ANKS6: variants seen among roughly 807,000 people sequenced by gnomAD.
ANKS6 encodes ankyrin repeat and SAM domain-containing protein 6.
In ANKS6, 47 loss-of-function variants were observed where a neutral mutation model predicts 77.9. The ratio of observed to expected loss-of-function variants is 0.60; its 90% confidence interval spans 0.48 to 0.77. The LOEUF is 0.77. ANKS6 is among the 30% of genes least tolerant of loss of function. The pLI, the probability that ANKS6 is intolerant of heterozygous loss-of-function variation, is 0.00. For synonymous variants in ANKS6, 488 were observed against 501.7 expected (o/e 0.97, Z 0.37); for missense variants, 1,150 against 1,159.1 (o/e 0.99, Z 0.11).
At chr9:98,742,319 C>T (rs1310033308) in intron 14 of ANKS6, among the ~76,000 whole-genome samples, 1 of 152,222 alleles carries the variant, frequency 6.6e-6, no homozygotes, top group Non-Finnish European at 1.5e-5. Context: ...AGCCAAGGCC[C>T]AGAGCATCTG....
rs1413010907 is a variant in ANKS6 at position 98,773,751 on chromosome 9, C to T, written c.1821+126G>A. 1.8e-5 allele frequency: 13 copies of T among 730,172 alleles called. No individual in the cohort carries two copies. The East Asian group carries it at 2.5e-4, about 14-fold the overall frequency. The allele number at this position is 730,172 out of a possible 1,614,324, so 45.2% of individuals were successfully genotyped here. A position where few individuals can be genotyped will look rare whatever the true frequency, so the allele number is the denominator to read the frequency against. On this transcript the variant is annotated intron_variant, in intron 9 of 14. Transcript: ENST00000353234. ...CTTCATTAGACAAAAGGATATCATCCATTCAAAAGAAAAAAAAAGTTGCAA... is the reference window on the plus strand; with the variant it reads ...CTTCATTAGACAAAAGGATATCATCTATTCAAAAGAAAAAAAAAGTTGCAA...
At chr9:98,794,017 G>A (rs1236748372) in intron 1 of ANKS6, among the ~76,000 whole-genome samples, 6 of 150,350 alleles carry the variant, frequency 4.0e-5, no homozygotes, top group Non-Finnish European at 8.9e-5. Context: ...GGGCGTGGTG[G>A]CACGTGACTG....
intron 13 of ANKS6, among the ~76,000 whole-genome samples, chr9:98,749,086 C>T (rs1412102505): frequency 2.0e-5 from 3 of 152,150 alleles, no homozygotes; most frequent in Admixed American, 1.3e-4. Flanking sequence ...CCAAGGAAAA[C>T]ACTGGGTTGT....
At chr9:98,793,864 A>C (rs1409324807) in intron 1 of ANKS6, among the ~76,000 whole-genome samples, 1 of 149,964 alleles carries the variant, frequency 6.7e-6, no homozygotes, top group Non-Finnish European at 1.5e-5. Flanking sequence ...GAACATGAAA[A>C]AACATGCCCC....
intron 2 of ANKS6, among the ~76,000 whole-genome samples, chr9:98,788,430 C>T (rs1046852978): frequency 7.9e-5 from 12 of 152,220 alleles, no homozygotes; most frequent in African/African-American, 2.2e-4. Context: ...GTGCTGGGCA[C>T]GGCAGGGCCT....
At chr9:98,748,582 C>T (rs982661991) in intron 13 of ANKS6, among the ~76,000 whole-genome samples, 2 of 152,146 alleles carry the variant, frequency 1.3e-5, no homozygotes, top group South Asian at 4.1e-4. Flanking sequence ...TGTCCTTTTG[C>T]AGTCTCCTTC....
chr9:98,795,625 G>C (rs1337510321), intron 1 of ANKS6, among the ~76,000 whole-genome samples: 1 of 152,140 alleles, frequency 6.6e-6, no homozygotes, highest in Non-Finnish European at 1.5e-5. Context: ...GGTATCCGCA[G>C]GTCTCCACGT....
chr9:98,751,837 T>C (rs1206825244), intron 12 of ANKS6, among the ~76,000 whole-genome samples: 1 of 152,154 alleles, frequency 6.6e-6, no homozygotes, highest in East Asian at 1.9e-4. Context: ...TCCCAGGATC[T>C]TGGGAGGCCA....
At chr9:98,789,886 G>T in intron 2 of ANKS6, 1 of 581,346 alleles carries the variant, frequency 1.7e-6, no homozygotes, top group Non-Finnish European at 2.7e-6. Context: ...CCAGGCTCTT[G>T]CCCAGGGCTA....
intron 13 of ANKS6, among the ~76,000 whole-genome samples, chr9:98,746,748 A>T (rs1390179926): frequency 1.3e-5 from 2 of 152,156 alleles, no homozygotes; most frequent in Non-Finnish European, 2.9e-5. Flanking sequence ...TCCTGAGGGC[A>T]GTAGCCCCCT....
rs141868637 is a variant in ANKS6 at position 98,773,958 on chromosome 9, G to A, written c.1740C>T (p.Asn580=). The A allele has an allele frequency of 3.9e-4, 623 of 1,602,476 alleles. 2 individuals carry two copies. The African/African-American group carries it at 6.4e-3, about 16-fold the overall frequency. ...WSSDRSRTRH[N]GKADPMKTAL... is the part of the protein sequence containing the mutation. ...CAGTCTTCATGGGGTCTGCCTTCCC[G>A]TTGTGACGCGTCCGGGACCGATCAG... Residue 580 remains asparagine (N), a synonymous_variant, in exon 9 of 15, where the codon AAC becomes AAT. Coordinates refer to ENST00000353234, the MANE Select transcript of ANKS6 (RefSeq NM_173551.5).
chr9:98,790,034 A>G, intron 2 of ANKS6, 70 bp downstream of exon 2: 1 of 1,503,748 alleles, frequency 6.7e-7, no homozygotes, highest in Non-Finnish European at 8.9e-7. Flanking sequence ...CAGTAGAGCA[A>G]TCCTCAGCTT....
At position 98,770,893 on chromosome 9, in the gene ANKS6, C is replaced by T. The variant is rs762790920; in HGVS notation, c.1972+3G>A. 8 of 1,490,788 alleles carry T rather than the reference C, an allele frequency of 5.4e-6. No individual in the cohort carries two copies. Among genetic ancestry groups the T allele is most frequent in the Non-Finnish European group, 7.2e-6 (8 of 1,113,300 alleles). 92.3% of individuals were successfully genotyped at this position (1,490,788 alleles called of 1,614,324 possible). On this transcript the variant is annotated splice_donor_region_variant and intron_variant, in intron 10 of 14. Transcript: ENST00000353234. ...CCCTGAGTGGCCCTGCCCAGCTACT[C>T]ACCTGAGCGGTTAAGCAGCTCCCCA...
rs1436646466 is a variant in ANKS6 at position 98,765,464 on chromosome 9, C to T, written c.2142+2617G>A. ...TTGGCTTTCAACCCATGCCTTCAGCCACTGCCCTGAGAACATGTCCAAGCT... is the reference window on the plus strand; with the variant it reads ...TTGGCTTTCAACCCATGCCTTCAGCTACTGCCCTGAGAACATGTCCAAGCT... On this transcript the variant is annotated intron_variant, in intron 11 of 14. Transcript: ENST00000353234. 5.3e-5 allele frequency among the ~76,000 whole-genome samples: 8 copies of T among 152,324 alleles called. No individual in the cohort carries two copies. The East Asian group carries it at 1.5e-3, about 29-fold the overall frequency.
At chr9:98,770,805 G>T (rs1588379461) in intron 10 of ANKS6, 91 bp downstream of exon 10, 2 of 1,240,116 alleles carry the variant, frequency 1.6e-6, no homozygotes, top group Non-Finnish European at 1.0e-6. Flanking sequence ...TCATTTCTGC[G>T]ACTGTCTGCA....
At chr9:98,743,145 C>T (rs529268416) in intron 14 of ANKS6, among the ~76,000 whole-genome samples, 1 of 152,298 alleles carries the variant, frequency 6.6e-6, no homozygotes, top group East Asian at 1.9e-4. Context: ...AGAACCTTTT[C>T]CGTCCTTCTT....
In ANKS6 at chr9:98,784,818, T is replaced by C. The variant is rs777015120; in HGVS notation, c.907+14A>G. 1 of 1,610,624 alleles carries C rather than the reference T, an allele frequency of 6.2e-7. No homozygotes were observed. Among genetic ancestry groups the C allele is most frequent in the Non-Finnish European group, 8.5e-7 (1 of 1,178,160 alleles). ...TATTCTTAAATATCCAAAAAGATTT[T>C]CTAAAGCGCTTACCCATTTTCAATG... On this transcript the variant is annotated intron_variant, in intron 3 of 14. Coordinates refer to ENST00000353234, the MANE Select transcript of ANKS6 (RefSeq NM_173551.5).
rs759644695 is a variant in ANKS6 at position 98,778,259 on chromosome 9, G to A, written c.1534C>T (p.Leu512Phe). ...APQDKTSRSA[L>F]PDAAPVTKDN... ...TTGGTCACAGGGGCCGCATCAGGGA[G>A]TGCAGAGCGGCTTGTCTTGTCCTGG... The change falls in exon 7 of 15, where the codon CTC becomes TTC. Residue 512 changes from leucine to phenylalanine, a missense_variant. Leu to Phe is a conservative substitution (Grantham distance 22, BLOSUM62 0). Transcript: ENST00000353234. The A allele has an allele frequency of 1.9e-6, 3 of 1,614,224 alleles. 1 individual carries two copies. The highest frequency in any genetic ancestry group is 2.2e-5 in the South Asian group (2 of 91,078).
Position 98,734,964 on chromosome 9 carries a change from C to T in ANKS6, c.*1555G>A, listed in dbSNP as rs892555543. 6 of 985,274 alleles carry T rather than the reference C, an allele frequency of 6.1e-6. No homozygotes were observed. Among genetic ancestry groups the T allele is most frequent in the African/African-American group, 3.5e-5 (2 of 57,198 alleles). 61.0% of individuals were successfully genotyped at this position (985,274 alleles called of 1,614,324 possible). On this transcript the variant is annotated 3_prime_UTR_variant, in exon 15 of 15. Transcript: ENST00000353234. ...CCATCAGGGCAGGGGAAGAAAACTA[C>T]GAGGCTCTGGGCAGTAAGTTAACGA...
Sources: gnomAD v4.1 joint callset for allele counts (sites outside exome capture counted in the v4.1 genomes callset) on GRCh38, gnomAD v4.1.1 for gene constraint, MANE v1.5 for transcripts, NCBI Gene and HGNC (gene_info 2026-07-23, HGNC 2026-07-21) for gene names.